Variants in MARK3 observed in about 807,000 individuals in gnomAD.
The protein encoded by MARK3 is MAP/microtubule affinity-regulating kinase 3.
MARK3 carries 46 observed loss-of-function variants against 90.1 expected under a neutral mutation model. That is an observed-to-expected ratio of 0.51 (90% CI 0.40 to 0.65). MARK3 has a LOEUF of 0.65. MARK3 is among the 30% of genes least tolerant of loss of function. The probability of loss-of-function intolerance (pLI) is 0.00; values close to 1 mark genes in which losing one functional copy is unlikely to be tolerated. For synonymous variants in MARK3, 321 were observed against 332.6 expected, an observed-to-expected ratio of 0.97 and a Z score of 0.38; for missense variants, 818 against 947.2, an observed-to-expected ratio of 0.86 and a Z score of 1.79.
intron 2 of MARK3, among the ~76,000 whole-genome samples, chr14:103,423,596 A>G (rs2092301935): frequency 6.6e-6 from 1 of 152,160 alleles, no homozygotes; most frequent in Non-Finnish European, 1.5e-5. Context: ...GGGATACCCC[A>G]GTTACCACCT....
In MARK3 at chr14:103,500,151, T is replaced by G. The variant is rs773260442; in HGVS notation, c.1872-5T>G. ...TCTCTCTGCTTCTACATTCTGTTCATTGAGGCTTCCAACTGAATATGAGAG... is the reference window on the plus strand; with the variant it reads ...TCTCTCTGCTTCTACATTCTGTTCAGTGAGGCTTCCAACTGAATATGAGAG... On this transcript the variant is annotated splice_polypyrimidine_tract_variant and splice_region_variant and intron_variant, in intron 16 of 17. Coordinates refer to ENST00000429436, the MANE Select transcript of MARK3 (RefSeq NM_001128918.3). The G allele has an allele frequency of 1.2e-6, 2 of 1,610,818 alleles. No individual in the cohort carries two copies. The highest frequency in any genetic ancestry group is 1.7e-6 in the Non-Finnish European group (2 of 1,177,684).
At chr14:103,438,277 A>T (rs1308490585) in intron 3 of MARK3, among the ~76,000 whole-genome samples, 1 of 152,226 alleles carries the variant, frequency 6.6e-6, no homozygotes, top group African/African-American at 2.4e-5. Flanking sequence ...TGCTGGGATT[A>T]CAGGCGTGAG....
At chr14:103,431,991 G>C (rs1329804058) in intron 3 of MARK3, among the ~76,000 whole-genome samples, 1 of 148,832 alleles carries the variant, frequency 6.7e-6, no homozygotes, top group Non-Finnish European at 1.5e-5. Context: ...CCTCCCACCT[G>C]AATTTGTTTG....
chr14:103,460,071 A>ATTTTTTTTTT (rs1566882596), intron 6 of MARK3, among the ~76,000 whole-genome samples: 1 of 45,576 alleles, frequency 2.2e-5, no homozygotes, highest in Non-Finnish European at 4.0e-5. Flanking sequence ...TTCCAGCTCC[A>ATTTTTTTTTT]TCTTTTTTTT....
intron 6 of MARK3, among the ~76,000 whole-genome samples, chr14:103,460,506 T>A (rs1198312744): frequency 6.6e-6 from 1 of 152,196 alleles, no homozygotes. Flanking sequence ...ATAACATCTG[T>A]TAGAAATCAC....
intron 3 of MARK3, among the ~76,000 whole-genome samples, chr14:103,447,286 G>A (rs1160330031): frequency 5.9e-5 from 9 of 152,022 alleles, no homozygotes; most frequent in African/African-American, 1.9e-4. Context: ...GCAGCAGAGC[G>A]AGACCCTGTC....
Position 103,503,490 on chromosome 14 carries a change from G to C in MARK3, c.*263G>C. ...GTGGCCCCATCTCCATGTGCCTCCC[G>C]TCTGGGTGGGTGTGAGAGTGGACGG... On this transcript the variant is annotated 3_prime_UTR_variant, in exon 18 of 18. Coordinates refer to ENST00000429436, the MANE Select transcript of MARK3 (RefSeq NM_001128918.3). 2.1e-6 allele frequency: 1 copy of C among 481,366 alleles called. No individual in the cohort carries two copies. Among genetic ancestry groups the C allele is most frequent in the Non-Finnish European group, 3.7e-6 (1 of 268,036 alleles). 29.8% of individuals were successfully genotyped at this position (481,366 alleles called of 1,614,324 possible). A position where few individuals can be genotyped will look rare whatever the true frequency, so the allele number is the denominator to read the frequency against.
At chr14:103,467,452 AC>A (rs546747637) in intron 11 of MARK3, 46 of 238,484 alleles carry the variant, frequency 1.9e-4, no homozygotes, top group African/African-American at 9.1e-4. Flanking sequence ...ATCACTTGAG[AC>A]CAGGAGTTCG....
intron 12 of MARK3, among the ~76,000 whole-genome samples, chr14:103,471,115 G>A (rs1428023472): frequency 6.6e-6 from 1 of 152,132 alleles, no homozygotes; most frequent in Non-Finnish European, 1.5e-5. Context: ...AACAAGGGGG[G>A]TTTCTAGTGC....
chr14:103,404,700 G>T lies in MARK3; in HGVS notation c.52-376G>T, dbSNP rs148601614. Among the ~76,000 whole-genome samples the T allele has an allele frequency of 2.7e-3, 406 of 152,254 alleles. 1 individual carries two copies. Among genetic ancestry groups the T allele is most frequent in the African/African-American group, 9.4e-3 (389 of 41,534 alleles). On this transcript the variant is annotated intron_variant, in intron 1 of 17. Transcript: ENST00000429436. ...TGGCTGTATCCTTATCTAGTGAATG[G>T]TGACATTAGCTTTTCCCCTGCTGCA...
intron 7 of MARK3, among the ~76,000 whole-genome samples, chr14:103,463,835 A>G (rs2093448810): frequency 6.6e-6 from 1 of 152,180 alleles, no homozygotes; most frequent in Non-Finnish European, 1.5e-5. Flanking sequence ...CTTACGATGA[A>G]AACCCAAACT....
intron 3 of MARK3, among the ~76,000 whole-genome samples, chr14:103,433,338 C>T (rs1595655514): frequency 1.3e-5 from 2 of 152,096 alleles, no homozygotes; most frequent in African/African-American, 4.8e-5. Context: ...CTGCCTGCCT[C>T]AGCCTCCCAA....
chr14:103,491,384 A>G (rs1357091782), intron 14 of MARK3: 1 of 210,110 alleles, frequency 4.8e-6, no homozygotes, highest in Non-Finnish European at 9.7e-6. Flanking sequence ...GTTTACTTCC[A>G]AAACTTTTTA....
intron 6 of MARK3, among the ~76,000 whole-genome samples, chr14:103,460,949 G>T (rs2093389155): frequency 6.6e-6 from 1 of 152,170 alleles, no homozygotes; most frequent in African/African-American, 2.4e-5. Context: ...TTATAAGTGG[G>T]TCTGATATTC....
At chr14:103,435,149 C>T (rs1403788592) in intron 3 of MARK3, among the ~76,000 whole-genome samples, 1 of 152,206 alleles carries the variant, frequency 6.6e-6, no homozygotes, top group Non-Finnish European at 1.5e-5. Flanking sequence ...ACTGCTGCCA[C>T]CACTGGGTTA....
intron 3 of MARK3, chr14:103,429,116 A>G (rs1184591789): frequency 6.6e-6 from 1 of 152,262 alleles, no homozygotes; most frequent in Non-Finnish European, 1.5e-5. Flanking sequence ...GCAAATAATT[A>G]ATGATCTTCA....
chr14:103,498,567 C>G lies in MARK3; in HGVS notation c.1871+39C>G, dbSNP rs770676654. The G allele has an allele frequency of 3.0e-6, 4 of 1,316,874 alleles. No homozygotes were observed. The South Asian group carries it at 7.9e-5, about 26-fold the overall frequency. The allele number at this position is 1,316,874 out of a possible 1,614,324, so 81.6% of individuals were successfully genotyped here. A position where few individuals can be genotyped will look rare whatever the true frequency, so the allele number is the denominator to read the frequency against. ...ATACACATTTATTTTTCAATCCTCA[C>G]TCCCAAATGGCTCCTGCAATTAACA... On this transcript the variant is annotated intron_variant, in intron 16 of 17. Coordinates refer to ENST00000429436, the MANE Select transcript of MARK3 (RefSeq NM_001128918.3).
At chr14:103,416,946 T>A (rs996758052) in intron 2 of MARK3, among the ~76,000 whole-genome samples, 1 of 152,064 alleles carries the variant, frequency 6.6e-6, no homozygotes, top group East Asian at 1.9e-4. Context: ...AGGAGATGTA[T>A]TAGAGATGTG....
rs768753354 is a variant in MARK3, at chr14:103,480,376, C to CT, written c.1483-5dup. On this transcript the variant is annotated splice_polypyrimidine_tract_variant and intron_variant, in intron 13 of 17. Coordinates refer to ENST00000429436, the MANE Select transcript of MARK3 (RefSeq NM_001128918.3). ...CAAATAAATTTAAGACAAAAATGCC[C>CT]TTTTTTATAGAGTAACACAGCATCT... 9.5e-6 allele frequency: 15 copies of CT among 1,578,850 alleles called. No individual in the cohort carries two copies. The highest frequency in any genetic ancestry group is 1.4e-5 in the African/African-American group (1 of 73,874).
Sources: gnomAD v4.1 joint callset for allele counts (sites outside exome capture counted in the v4.1 genomes callset) on GRCh38, gnomAD v4.1.1 for gene constraint, MANE v1.5 for transcripts, NCBI Gene and HGNC (gene_info 2026-07-23, HGNC 2026-07-21) for gene names.